ARSG: variants seen among roughly 807,000 people sequenced by gnomAD.
The protein encoded by ARSG is arylsulfatase G.
Under a neutral mutation model 50.5 loss-of-function variants are expected in ARSG, and 37 were observed. That is an observed-to-expected ratio of 0.73 (90% CI 0.56 to 0.96). The LOEUF (loss-of-function observed/expected upper bound fraction) is 0.96. Ranked by LOEUF, ARSG falls within the 50% of genes least tolerant of loss-of-function variation. The probability of loss-of-function intolerance (pLI) is 0.00; values close to 1 mark genes in which losing one functional copy is unlikely to be tolerated. For missense variants in ARSG, 629 were observed against 675.3 expected (o/e 0.93, Z 0.76); for synonymous variants, 225 against 254.6 (o/e 0.88, Z 1.11).
chr17:68,278,171 A>G, intron 1 of ARSG: 3 of 1,614,228 alleles, frequency 1.9e-6, no homozygotes, highest in Non-Finnish European at 2.5e-6. Context: ...CCATTAAGTC[A>G]TTAAAGAAGA....
the ARSG span, among the ~76,000 whole-genome samples, chr17:68,450,569 ACT>A: frequency 2.6e-5 from 4 of 152,050 alleles, no homozygotes; most frequent in African/African-American, 9.7e-5. Context: ...CCTGGAGTAG[ACT>A]CTGTTTACAA....
rs149204091 is a variant in ARSG, at chr17:68,388,238, G to T, written c.1091+3066G>T. Among the ~76,000 whole-genome samples the T allele has an allele frequency of 8.5e-5, 13 of 152,268 alleles. No individual in the cohort carries two copies. The East Asian group carries it at 1.9e-3, about 23-fold the overall frequency. On this transcript the variant is annotated intron_variant, in intron 9 of 11. Coordinates refer to ENST00000621439, the MANE Select transcript of ARSG (RefSeq NM_001267727.2). ...AGTAGTTTTAACTTAAAACTGTGCTGCAGGCTTTCCCAACCGTGGCGTGGT... is the reference window on the plus strand; with the variant it reads ...AGTAGTTTTAACTTAAAACTGTGCTTCAGGCTTTCCCAACCGTGGCGTGGT...
the ARSG span, among the ~76,000 whole-genome samples, chr17:68,445,969 C>A: frequency 1.3e-5 from 2 of 152,176 alleles, no homozygotes; most frequent in African/African-American, 4.8e-5. Flanking sequence ...GCGATGCACA[C>A]TGAGGCTCAA....
intron 1 of ARSG, among the ~76,000 whole-genome samples, chr17:68,279,166 GAC>G (rs1322957518): frequency 5.3e-5 from 8 of 152,072 alleles, no homozygotes; most frequent in African/African-American, 1.9e-4. Context: ...AGACTGAATT[GAC>G]CATAAGGAAT....
chr17:68,391,390 G>A (rs2080985589), intron 9 of ARSG, among the ~76,000 whole-genome samples: 1 of 152,278 alleles, frequency 6.6e-6, no homozygotes, highest in African/African-American at 2.4e-5. Context: ...TCTCATGGGC[G>A]AGAGGCTTTC....
rs1555749054 is a variant in ARSG, at chr17:68,271,958, A to G, written c.-552+12532A>G. On this transcript the variant is annotated intron_variant, in intron 1 of 11. Transcript: ENST00000448504. The surrounding 1 kb of genome is among the most constrained non-coding windows in gnomAD (Gnocchi z 5.3). ...GCTGGGACTATAGGCGTGCGCCACC[A>G]CGACCAGCCAATTTTTGTATTTTTA... Among the ~76,000 whole-genome samples the G allele has an allele frequency of 6.6e-6, 1 of 152,136 alleles. No homozygotes were observed. The highest frequency in any genetic ancestry group is 1.5e-5 in the Non-Finnish European group (1 of 68,034).
intron 2 of ARSG, among the ~76,000 whole-genome samples, chr17:68,330,967 C>CT (rs1420003975): frequency 4.5e-4 from 24 of 52,764 alleles, no homozygotes; most frequent in South Asian, 1.5e-3. Context: ...TTCTTTATTT[C>CT]TTTTTTTTTG....
intron 8 of ARSG, among the ~76,000 whole-genome samples, chr17:68,383,195 T>A (rs1395007661): frequency 6.6e-6 from 1 of 152,172 alleles, no homozygotes; most frequent in East Asian, 1.9e-4. Flanking sequence ...ACGAGAAGAA[T>A]CCCTAATTCT....
chr17:68,391,199 G>A (rs1372915736), intron 9 of ARSG, among the ~76,000 whole-genome samples: 4 of 152,074 alleles, frequency 2.6e-5, no homozygotes, highest in Non-Finnish European at 4.4e-5. Flanking sequence ...TGTAGGCTGG[G>A]GGCCCAGGCC....
At chr17:68,303,112 T>C (rs2076481046) in intron 1 of ARSG, among the ~76,000 whole-genome samples, 2 of 152,172 alleles carry the variant, frequency 1.3e-5, no homozygotes, top group South Asian at 2.1e-4. Flanking sequence ...GCTTGGCTTA[T>C]ATAGCTGTAT....
intron 1 of ARSG, among the ~76,000 whole-genome samples, chr17:68,260,190 C>T (rs2075050774): frequency 6.6e-6 from 1 of 152,122 alleles, no homozygotes; most frequent in South Asian, 2.1e-4. Flanking sequence ...TGCATGAGGA[C>T]ACAAGCCTGC....
chr17:68,388,591 G>C (rs537490659), intron 9 of ARSG, among the ~76,000 whole-genome samples: 1 of 152,100 alleles, frequency 6.6e-6, no homozygotes, highest in Non-Finnish European at 1.5e-5. Context: ...GCAATTATGA[G>C]GTGACCAGAA....
At chr17:68,272,902 C>G (rs1158653804) in intron 1 of ARSG, 1 of 1,049,178 alleles carries the variant, frequency 9.5e-7, no homozygotes, top group Admixed American at 2.7e-5. Context: ...TCATTCTGGA[C>G]AAAGGTGATG....
intron 1 of ARSG, among the ~76,000 whole-genome samples, chr17:68,304,151 G>A (rs2076521580): frequency 1.3e-5 from 2 of 152,244 alleles, no homozygotes; most frequent in Admixed American, 6.5e-5. Flanking sequence ...GGCCACTCTA[G>A]TGTTCCAAGC....
chr17:68,383,307 G>A (rs1050305127), intron 8 of ARSG, among the ~76,000 whole-genome samples: 1 of 152,178 alleles, frequency 6.6e-6, no homozygotes, highest in Non-Finnish European at 1.5e-5. Context: ...CTAAAGGTCA[G>A]TTTACCCTTC....
intron 2 of ARSG, among the ~76,000 whole-genome samples, chr17:68,339,115 T>A (rs1356293220): frequency 6.6e-6 from 1 of 151,890 alleles, no homozygotes; most frequent in Admixed American, 6.6e-5. Context: ...AAGTGATATA[T>A]ACATAAGATA....
downstream of ARSG, chr17:68,426,156 C>T (rs2083160486): frequency 6.2e-7 from 1 of 1,611,728 alleles, no homozygotes; most frequent in African/African-American, 1.3e-5. Flanking sequence ...CTCGCAGCGC[C>T]CCGCCGTCCT....
At chr17:68,265,712 GTTT>G (rs11368011) in intron 1 of ARSG, among the ~76,000 whole-genome samples, 1 of 134,370 alleles carries the variant, frequency 7.4e-6, no homozygotes, top group Non-Finnish European at 1.6e-5. Flanking sequence ...CCAGTCCACT[GTTT>G]TTTTTTTTTT....
chr17:68,412,050 C>G (rs944070923), intron 11 of ARSG, among the ~76,000 whole-genome samples: 1 of 152,204 alleles, frequency 6.6e-6, no homozygotes, highest in Non-Finnish European at 1.5e-5. Context: ...ATACAGCACA[C>G]TGATGGGTCT....
Sources: allele counts gnomAD v4.1 joint callset (sites outside exome capture counted in the v4.1 genomes callset), GRCh38; gene constraint gnomAD v4.1.1; non-coding constraint Gnocchi (gnomAD v3.1); transcripts MANE v1.5; gene names NCBI Gene and HGNC (gene_info 2026-07-23, HGNC 2026-07-21).